The following EDEM3 variants were observed in gnomAD, a reference collection of about 807,000 sequenced individuals.
EDEM3 encodes ER degradation enhancing alpha-mannosidase like protein 3, also known as ER degradation-enhancing alpha-mannosidase-like protein 3.
Under a neutral mutation model 110.2 loss-of-function variants are expected in EDEM3, and 60 were observed. That is an observed-to-expected ratio of 0.54 (90% CI 0.44 to 0.67). The LOEUF (loss-of-function observed/expected upper bound fraction) is 0.67. EDEM3 is among the 30% of genes least tolerant of loss of function. EDEM3 has a pLI of 0.00. For synonymous variants in EDEM3, 352 were observed against 382.9 expected (o/e 0.92, Z 0.94); for missense variants, 996 against 1,121.0 (o/e 0.89, Z 1.59).
At chr1:184,715,941 G>A (rs572483924) in intron 13 of EDEM3, among the ~76,000 whole-genome samples, 17 of 152,216 alleles carry the variant, frequency 1.1e-4, no homozygotes, top group Non-Finnish European at 2.4e-4. Flanking sequence ...ACAACTCTAT[G>A]GGTAGATGAT....
chr1:184,751,179 T>G (rs2102141522), intron 1 of EDEM3, among the ~76,000 whole-genome samples: 1 of 150,836 alleles, frequency 6.6e-6, no homozygotes, highest in South Asian at 2.1e-4. Flanking sequence ...TGTTTATATA[T>G]ATATAATTTT....
chr1:184,729,177 AAG>A (rs1408329748), intron 6 of EDEM3, among the ~76,000 whole-genome samples: 2 of 152,142 alleles, frequency 1.3e-5, no homozygotes, highest in African/African-American at 4.8e-5. Flanking sequence ...TTAAGAAAAA[AAG>A]AGATGAAAGT....
chr1:184,695,008 A>G (rs982103011), intron 19 of EDEM3, among the ~76,000 whole-genome samples: 2 of 152,072 alleles, frequency 1.3e-5, no homozygotes, highest in African/African-American at 2.4e-5. Context: ...GATCAGAAAT[A>G]CTTTCACAAG....
chr1:184,737,829 T>C (rs1651920791), intron 2 of EDEM3, 118 bp from the exon 3 acceptor site: 5 of 851,024 alleles, frequency 5.9e-6, no homozygotes, highest in Non-Finnish European at 8.8e-6. Flanking sequence ...GTACTAAATT[T>C]ACACCCTGTG....
chr1:184,726,809 C>A (rs1651217736), intron 6 of EDEM3, among the ~76,000 whole-genome samples: 1 of 152,118 alleles, frequency 6.6e-6, no homozygotes, highest in South Asian at 2.1e-4. Context: ...TTGTGAAAAA[C>A]CAGTCTATAT....
intron 1 of EDEM3, among the ~76,000 whole-genome samples, chr1:184,754,108 A>C (rs1189244672): frequency 1.3e-5 from 2 of 152,216 alleles, no homozygotes; most frequent in African/African-American, 4.8e-5. Context: ...TCCCAGTTGG[A>C]AGCTCACTTG....
intron 2 of EDEM3, among the ~76,000 whole-genome samples, chr1:184,742,251 G>A (rs1205407778): frequency 6.6e-6 from 1 of 152,134 alleles, no homozygotes; most frequent in Non-Finnish European, 1.5e-5. Context: ...TTAGAAAATT[G>A]CGTGCTCTGT....
Position 184,697,201 on chromosome 1 carries a change from A to C in EDEM3, c.2390-2729T>G, listed in dbSNP as rs188274761. Among the ~76,000 whole-genome samples, 5 of 152,010 alleles carry C rather than the reference A, an allele frequency of 3.3e-5. No homozygotes were observed. The East Asian group carries it at 9.7e-4, about 29-fold the overall frequency. On this transcript the variant is annotated intron_variant, in intron 19 of 19. Coordinates refer to ENST00000318130, the MANE Select transcript of EDEM3 (RefSeq NM_025191.4). ...AAAAGGTATAAGACCCACGTTGCTT[A>C]AATAAAATCATAATGAGAACATAAA...
At chr1:184,705,110 T>C (rs1219868537) in intron 18 of EDEM3, among the ~76,000 whole-genome samples, 3 of 152,110 alleles carry the variant, frequency 2.0e-5, no homozygotes, top group East Asian at 1.9e-4. Flanking sequence ...TTGCATACTA[T>C]AGAAGATCAT....
At chr1:184,705,478 G>A (rs746698996) in intron 18 of EDEM3, among the ~76,000 whole-genome samples, 8 of 152,328 alleles carry the variant, frequency 5.3e-5, no homozygotes, top group African/African-American at 1.9e-4. Flanking sequence ...AAATTGGCAT[G>A]ACTGTGTCCC....
Position 184,751,879 on chromosome 1 carries a change from G to A in EDEM3, c.159-2287C>T, listed in dbSNP as rs148213663. Among the ~76,000 whole-genome samples, 427 of 152,072 alleles carry A rather than the reference G, an allele frequency of 2.8e-3. 5 individuals are homozygous for A. The East Asian group carries it at 0.035, about 13-fold the overall frequency. ...GCGATTCTTCCTGCCTCAGCCTCCC[G>A]AGTAGCTGGGATTAAGGGCATGCGC... On this transcript the variant is annotated intron_variant, in intron 1 of 19. Coordinates refer to ENST00000318130, the MANE Select transcript of EDEM3 (RefSeq NM_025191.4).
chr1:184,754,270 C>T (rs865891458), intron 1 of EDEM3, among the ~76,000 whole-genome samples: 2 of 152,190 alleles, frequency 1.3e-5, no homozygotes, highest in Admixed American at 6.5e-5. Flanking sequence ...CACATGTCAC[C>T]GGCGGCCAGG....
intron 18 of EDEM3, 23 bp downstream of exon 18, chr1:184,706,620 C>A: frequency 1.3e-6 from 2 of 1,572,830 alleles, no homozygotes; most frequent in Non-Finnish European, 1.7e-6. Context: ...TCAGTCAACA[C>A]AATGACATGG....
chr1:184,709,279 T>C (rs1650098450), intron 16 of EDEM3, among the ~76,000 whole-genome samples: 1 of 152,166 alleles, frequency 6.6e-6, no homozygotes, highest in African/African-American at 2.4e-5. Flanking sequence ...AGATGAAAGT[T>C]GAATTTAATA....
At chr1:184,715,012 GCACAACAATCCCCT>G (rs1455677632) in intron 13 of EDEM3, among the ~76,000 whole-genome samples, 3 of 152,148 alleles carry the variant, frequency 2.0e-5, no homozygotes, top group African/African-American at 7.2e-5. Flanking sequence ...CATCTGAGAG[GCACAACAATCCCCT>G]CAGGAACAGT....
intron 3 of EDEM3, 117 bp from the exon 4 acceptor site, chr1:184,737,181 T>G (rs113230331): frequency 7.2e-6 from 6 of 837,914 alleles, no homozygotes. Flanking sequence ...AGTACTTCCA[T>G]GTATCTATAG....
intron 16 of EDEM3, among the ~76,000 whole-genome samples, chr1:184,709,213 A>G (rs1485513228): frequency 1.3e-5 from 2 of 152,174 alleles, no homozygotes; most frequent in Non-Finnish European, 2.9e-5. Context: ...GTAAACAAGA[A>G]AGAGATAATT....
chr1:184,719,435 C>T lies in EDEM3; in HGVS notation c.1077+8G>A. On this transcript the variant is annotated splice_region_variant and intron_variant, in intron 10 of 19. Transcript: ENST00000318130. ...ACATTCATATTAAGAAGACAGAATT[C>T]TTTATACCTGCAAGCCTGGGAAGAA... The T allele has an allele frequency of 1.2e-6, 2 of 1,608,864 alleles. No homozygotes were observed. Among genetic ancestry groups the T allele is most frequent in the Non-Finnish European group, 1.7e-6 (2 of 1,178,578 alleles).
Position 184,721,334 on chromosome 1 carries a change from G to C in EDEM3, c.906C>G (p.Ala302=). Residue 302 remains alanine, a synonymous_variant, in exon 9 of 20, where the codon GCC becomes GCG. Transcript: ENST00000318130. ...IDSYYEYLLK[A]YVLLGDDSFL... ...AACTGTCATCTCCAAGCAAGACATA[G>C]GCTTTCAACAGATATTCATAATATG... The C allele has an allele frequency of 1.9e-6, 3 of 1,605,430 alleles. No individual in the cohort carries two copies. Among genetic ancestry groups the C allele is most frequent in the South Asian group, 2.2e-5 (2 of 89,436 alleles).
Sources: gnomAD v4.1 joint callset for allele counts (sites outside exome capture counted in the v4.1 genomes callset) on GRCh38, gnomAD v4.1.1 for gene constraint, MANE v1.5 for transcripts, NCBI Gene and HGNC (gene_info 2026-07-23, HGNC 2026-07-21) for gene names.